LGSN: variants seen among roughly 807,000 people sequenced by gnomAD.
The protein encoded by LGSN is lengsin.
In LGSN, 21 loss-of-function variants were observed where a neutral mutation model predicts 19.5. The ratio of observed to expected loss-of-function variants is 1.07; its 90% CI spans 0.76 to 1.55. The LOEUF (loss-of-function observed/expected upper bound fraction) is 1.55. Among genes scored for constraint, LGSN ranks in the 40% most tolerant of loss-of-function variants. The pLI, the probability that LGSN is intolerant of heterozygous loss-of-function variation, is 0.00. For missense variants in LGSN, 673 were observed against 608.5 expected (o/e 1.11, Z -1.12); for synonymous variants, 257 against 215.6 (o/e 1.19, Z -1.68).
At chr6:63,360,665 A>C in the LGSN span, among the ~76,000 whole-genome samples, 25 of 152,228 alleles carry the variant, frequency 1.6e-4, no homozygotes, top group Admixed American at 9.2e-4. Flanking sequence ...CATCAAAGTC[A>C]TTCTCCGTCC....
At chr6:63,539,362 T>A in the LGSN span, among the ~76,000 whole-genome samples, 1 of 152,186 alleles carries the variant, frequency 6.6e-6, no homozygotes, top group Non-Finnish European at 1.5e-5. Context: ...ATCCTCTGTA[T>A]CTCCCTCCAG....
At chr6:63,498,406 A>G in the LGSN span, among the ~76,000 whole-genome samples, 1 of 151,914 alleles carries the variant, frequency 6.6e-6, no homozygotes, top group Non-Finnish European at 1.5e-5. Context: ...ATTATTCCCT[A>G]TCTCATCTCT....
the LGSN span, among the ~76,000 whole-genome samples, chr6:63,465,929 A>G: frequency 6.6e-6 from 1 of 152,206 alleles, no homozygotes; most frequent in East Asian, 1.9e-4. Flanking sequence ...GATTTGGGTC[A>G]CAAGCTAGAT....
the LGSN span, among the ~76,000 whole-genome samples, chr6:63,345,854 C>T: frequency 6.6e-6 from 1 of 152,288 alleles, no homozygotes; most frequent in East Asian, 1.9e-4. Context: ...GGTCCAATAT[C>T]TTTTACTTAA....
the LGSN span, among the ~76,000 whole-genome samples, chr6:63,385,067 T>C: frequency 6.6e-6 from 1 of 152,184 alleles, no homozygotes; most frequent in Non-Finnish European, 1.5e-5. Context: ...TATGAGAAAA[T>C]AAATTTCTGT....
intron 2 of LGSN, among the ~76,000 whole-genome samples, chr6:63,287,661 T>G (rs1484980500): frequency 6.6e-6 from 1 of 151,864 alleles, no homozygotes; most frequent in Non-Finnish European, 1.5e-5. Context: ...TGAGCAAAGA[T>G]CGCGCCACTG....
At chr6:63,537,022 T>TA in the LGSN span, among the ~76,000 whole-genome samples, 1 of 152,024 alleles carries the variant, frequency 6.6e-6, no homozygotes, top group Non-Finnish European at 1.5e-5. Flanking sequence ...GAATTAAGGT[T>TA]AAATAGTTTT....
chr6:63,359,608 A>G, the LGSN span, among the ~76,000 whole-genome samples: 5 of 152,140 alleles, frequency 3.3e-5, no homozygotes, highest in African/African-American at 1.2e-4. Flanking sequence ...CAGATTTTCT[A>G]GTTTATTTGC....
the LGSN span, among the ~76,000 whole-genome samples, chr6:63,568,563 G>GA: frequency 6.6e-6 from 1 of 151,688 alleles, no homozygotes; most frequent in Non-Finnish European, 1.5e-5. Flanking sequence ...GAATTACCAA[G>GA]ATGTAACACA....
chr6:63,425,616 G>A, the LGSN span, among the ~76,000 whole-genome samples: 2,306 of 152,100 alleles, frequency 0.015, 49 homozygotes, highest in African/African-American at 0.053. Context: ...GTTAGGGAGC[G>A]GGGGAAGGGA....
At chr6:63,446,482 C>T in the LGSN span, among the ~76,000 whole-genome samples, 1 of 152,162 alleles carries the variant, frequency 6.6e-6, no homozygotes, top group African/African-American at 2.4e-5. Context: ...CTGCCTCCTT[C>T]TGCTAGAATA....
the LGSN span, among the ~76,000 whole-genome samples, chr6:63,483,913 A>G: frequency 1.3e-5 from 2 of 151,754 alleles, no homozygotes; most frequent in Admixed American, 1.3e-4. Flanking sequence ...CTGAGGTACT[A>G]GGGGTTAGCA....
the LGSN span, among the ~76,000 whole-genome samples, chr6:63,550,813 C>T: frequency 6.6e-6 from 1 of 152,092 alleles, no homozygotes; most frequent in African/African-American, 2.4e-5. Context: ...TTAGTAAAGA[C>T]AGGGATTTCA....
At chr6:63,491,944 G>A in the LGSN span, among the ~76,000 whole-genome samples, 4 of 151,620 alleles carry the variant, frequency 2.6e-5, no homozygotes, top group East Asian at 1.9e-4. Flanking sequence ...CAGGAGAATC[G>A]CTTGAACCCG....
chr6:63,331,938 C>T, the LGSN span, among the ~76,000 whole-genome samples: 1 of 152,132 alleles, frequency 6.6e-6, no homozygotes, highest in African/African-American at 2.4e-5. Context: ...TACCCCTTTC[C>T]TATAAAGATG....
chr6:63,404,575 T>C, the LGSN span, among the ~76,000 whole-genome samples: 1 of 152,058 alleles, frequency 6.6e-6, no homozygotes, highest in Non-Finnish European at 1.5e-5. Context: ...GACCACTTTC[T>C]TATAGATGGA....
the LGSN span, among the ~76,000 whole-genome samples, chr6:63,333,137 C>G: frequency 6.6e-6 from 1 of 151,780 alleles, no homozygotes; most frequent in Non-Finnish European, 1.5e-5. Flanking sequence ...AGCGGGTTCC[C>G]CCTGCTGGCT....
At chr6:63,329,455 A>G in the LGSN span, among the ~76,000 whole-genome samples, 1 of 152,188 alleles carries the variant, frequency 6.6e-6, no homozygotes, top group African/African-American at 2.4e-5. Context: ...GTCTCCACTG[A>G]CCGTTCGGTT....
chr6:63,281,140 G>A lies in LGSN; in HGVS notation c.411C>T (p.Asn137=). ...CGCTATTAAAACATGTGGCTCTTAT[G>A]TTATTCATTTCATTGTCCTTTGGAT... ...IPNPKDNEMN[N]IRATCFNSDI... is the part of the protein sequence containing the mutation. The change falls in exon 4 of 4, where the codon AAC becomes AAT. Residue 137 remains asparagine (N), a synonymous_variant. Transcript: ENST00000370657. 3.7e-6 allele frequency: 6 copies of A among 1,613,464 alleles called. No individual in the cohort carries two copies. The highest frequency in any genetic ancestry group is 5.1e-6 in the Non-Finnish European group (6 of 1,179,868).
Sources: allele counts gnomAD v4.1 joint callset (sites outside exome capture counted in the v4.1 genomes callset), GRCh38; gene constraint gnomAD v4.1.1; transcripts MANE v1.5; gene names NCBI Gene and HGNC (gene_info 2026-07-23, HGNC 2026-07-21).